KRT24: variants seen among roughly 807,000 people sequenced by gnomAD.
KRT24 encodes keratin 24.
A neutral mutation model predicts 51.7 loss-of-function variants in KRT24; 44 were observed. The ratio of observed to expected loss-of-function variants is 0.85; its 90% CI spans 0.67 to 1.09. The LOEUF (loss-of-function observed/expected upper bound fraction) is 1.09. Among genes scored for constraint, KRT24 ranks in the 50% least tolerant of loss-of-function variants. KRT24 has a pLI of 0.00. For missense variants in KRT24, 633 were observed against 647.0 expected, an observed-to-expected ratio of 0.98 and a Z score of 0.24; for synonymous variants, 241 against 249.5, an observed-to-expected ratio of 0.97 and a Z score of 0.32.
At chr17:40,701,098 A>G in intron 3 of KRT24, 42 bp downstream of exon 3, 1 of 1,596,232 alleles carries the variant, frequency 6.3e-7, no homozygotes, top group Non-Finnish European at 8.6e-7. Context: ...GGGGAGAAAT[A>G]TGTTAGCTAG....
chr17:40,699,698 A>G (rs1401746981), intron 5 of KRT24, 37 bp from the exon 6 acceptor site: 3 of 1,560,072 alleles, frequency 1.9e-6, no homozygotes, highest in Non-Finnish European at 2.6e-6. Context: ...CATGATGAAA[A>G]TAAATCATTG....
chr17:40,698,834 C>T (rs535959590), intron 6 of KRT24, among the ~76,000 whole-genome samples, 184 bp from the exon 7 acceptor site: 96 of 151,124 alleles, frequency 6.4e-4, no homozygotes, highest in African/African-American at 2.2e-3. Flanking sequence ...TCAGCCTCCC[C>T]AGTATCTGGG....
In KRT24 at chr17:40,703,548, C is replaced by T. The variant is rs749255545; in HGVS notation, c.146G>A (p.Ser49Asn). 1.7e-5 allele frequency: 28 copies of T among 1,608,392 alleles called. No individual in the cohort carries two copies. The highest frequency in any genetic ancestry group is 3.4e-5 in the Admixed American group (2 of 59,020). The change falls in exon 1 of 8, where the codon AGC becomes AAC. Residue 49 changes from serine to asparagine, a missense_variant. Physicochemically the swap from Ser to Asn is conservative, Grantham distance 46 (BLOSUM62 1). Transcript: ENST00000264651. Reference sequence around the variant, plus strand: ...GCTAGACCCCCCACTCAGGCTGCAGCTGCTGGCTCCTCCTCGGAAGCCCTG... The same window carrying T: ...GCTAGACCCCCCACTCAGGCTGCAGTTGCTGGCTCCTCCTCGGAAGCCCTG... ...SAQGFRGGAS[S>N]CSLSGGSSGA... is the part of the protein sequence containing the mutation.
rs1446544050 is a variant in KRT24, at chr17:40,699,670, A to G, written c.1144-9T>C. The stretch of plus-strand genomic sequence containing the variant: ...CCCTCCAGGGAGCTTTTCTAAGAGA[A>G]AAAGCAAATAAAAAATTCATGATGA... On this transcript the variant is annotated splice_polypyrimidine_tract_variant and intron_variant, in intron 5 of 7. Transcript: ENST00000264651. 6.3e-7 allele frequency: 1 copy of G among 1,599,054 alleles called. No individual in the cohort carries two copies. The highest frequency in any genetic ancestry group is 8.5e-7 in the Non-Finnish European group (1 of 1,171,084).
chr17:40,702,993 T>G, intron 1 of KRT24, 86 bp downstream of exon 1: 1 of 1,390,934 alleles, frequency 7.2e-7, no homozygotes, highest in Non-Finnish European at 9.6e-7. Flanking sequence ...TTTCAAATAA[T>G]TTCTTAAAAT....
At chr17:40,701,655 G>C (rs2037678852) in intron 2 of KRT24, among the ~76,000 whole-genome samples, 196 bp downstream of exon 2, 1 of 146,994 alleles carries the variant, frequency 6.8e-6, no homozygotes, top group Non-Finnish European at 1.5e-5. Context: ...CCCAGCATCA[G>C]TGGAGATTTG....
chr17:40,701,321 A>G (rs774768095), intron 2 of KRT24, 25 bp from the exon 3 acceptor site: 2 of 1,605,646 alleles, frequency 1.2e-6, no homozygotes, highest in South Asian at 2.2e-5. Flanking sequence ...AGTAAGGCAA[A>G]AAATACTGTG....
Position 40,699,385 on chromosome 17 carries a change from G to T in KRT24, c.1361+59C>A, listed in dbSNP as rs2037646503. ...AGTCTAAGCCCTGAGTCCCATTTTG[G>T]TTTTATAAAATAAATTCACTAAGGT... On this transcript the variant is annotated intron_variant, in intron 6 of 7. Coordinates refer to ENST00000264651, the MANE Select transcript of KRT24 (RefSeq NM_019016.3). The T allele has an allele frequency of 2.8e-6, 4 of 1,447,856 alleles. No individual in the cohort carries two copies. The African/African-American group carries it at 5.6e-5, about 20-fold the overall frequency. 89.7% of individuals were successfully genotyped at this position (1,447,856 alleles called of 1,614,324 possible). A position where few individuals can be genotyped will look rare whatever the true frequency, so the allele number is the denominator to read the frequency against.
chr17:40,703,184 G>A lies in KRT24; in HGVS notation c.510C>T (p.Asn170=), dbSNP rs2037703147. 1 of 1,614,076 alleles carries A rather than the reference G, an allele frequency of 6.2e-7. No individual in the cohort carries two copies. Among genetic ancestry groups the A allele is most frequent in the South Asian group, 1.1e-5 (1 of 91,074 alleles). The change falls in exon 1 of 8, where the codon AAC becomes AAT. Residue 170 remains asparagine (N), a synonymous_variant. Transcript: ENST00000264651. The part of the protein sequence containing the change: ...ALEEANTDLE[N]KIKEWYDKYG... ...ATTTGTCATACCACTCCTTGATTTT[G>A]TTCTCCAGATCAGTGTTAGCCTCCT...
rs12945365 is a variant in KRT24, at chr17:40,698,931, T to C, written c.1362-281A>G. 8.2e-3 allele frequency among the ~76,000 whole-genome samples: 1,233 copies of C among 150,778 alleles called. 15 individuals are homozygous for C. The highest frequency in any genetic ancestry group is 0.027 in the African/African-American group (1,114 of 40,958). ...TCGTTCTATCACCCAGGCTGGAGTA[T>C]AGTGGCATGATTACAGCTCACTGCA... On this transcript the variant is annotated intron_variant, in intron 6 of 7. Coordinates refer to ENST00000264651, the MANE Select transcript of KRT24 (RefSeq NM_019016.3).
intron 6 of KRT24, among the ~76,000 whole-genome samples, chr17:40,699,185 A>C (rs2037644336): frequency 6.6e-6 from 1 of 151,642 alleles, no homozygotes; most frequent in South Asian, 2.1e-4. Context: ...CCTCCAGCTA[A>C]TTTTTTAAAA....
At chr17:40,702,141 T>C (rs2037691182) in intron 1 of KRT24, among the ~76,000 whole-genome samples, 1 of 151,934 alleles carries the variant, frequency 6.6e-6, no homozygotes. Flanking sequence ...AAGCGATTCT[T>C]GAGCCTCAGC....
Position 40,701,929 on chromosome 17 carries a change from A to G in KRT24, c.620T>C (p.Ile207Thr). Residue 207 changes from isoleucine (I) to threonine (T), a missense_variant, in exon 2 of 8, where the codon ATT becomes ACT. Physicochemically the swap from Ile to Thr is moderately conservative, Grantham distance 89. Transcript: ENST00000264651. Reference sequence around the variant, plus strand: ...CCCAGCATTTTCAACAGTGGCAGCAATGATCTAAAAAAGATGTTAATAGTG... The same window carrying G: ...CCCAGCATTTTCAACAGTGGCAGCAGTGATCTAAAAAAGATGTTAATAGTG... Reference protein sequence around the residue: ...SIIEDLRNQIIAATVENAGII... With the variant: ...SIIEDLRNQITAATVENAGII... 1.3e-6 allele frequency: 2 copies of G among 1,532,798 alleles called. No homozygotes were observed. The highest frequency in any genetic ancestry group is 1.8e-6 in the Non-Finnish European group (2 of 1,127,668). 94.9% of individuals were successfully genotyped at this position (1,532,798 alleles called of 1,614,324 possible).
Position 40,698,677 on chromosome 17 carries a change from C to T in KRT24, c.1362-27G>A, listed in dbSNP as rs755771642. On this transcript the variant is annotated intron_variant, in intron 6 of 7. Coordinates refer to ENST00000264651, the MANE Select transcript of KRT24 (RefSeq NM_019016.3). ...TGGAGAAAAAAAGAATTATGTTTTC[C>T]TTTGCAGTTTGCAAAGGCAGGAGAA... The T allele has an allele frequency of 3.2e-6, 4 of 1,234,130 alleles. No individual in the cohort carries two copies. In the African/African-American group the frequency reaches 6.0e-5, roughly 18 times the overall value. 76.4% of individuals were successfully genotyped at this position (1,234,130 alleles called of 1,614,324 possible).
chr17:40,703,102 T>A lies in KRT24; in HGVS notation c.592A>T (p.Ile198Leu). The change falls in exon 1 of 8, where the codon ATA (isoleucine) becomes TTA (leucine). Residue 198 changes from isoleucine (I) to leucine (L), a missense_variant. By Grantham distance (5) the Ile-to-Leu change is conservative. Transcript: ENST00000264651. ...SGRDYSKYYS[I>L]IEDLRNQIIA... ...ACCTGGTTTCTGAGATCTTCAATTA[T>A]TGAATAGTATTTGCTATAATCTCTT... 1.9e-6 allele frequency: 3 copies of A among 1,604,542 alleles called. No individual in the cohort carries two copies. Among genetic ancestry groups the A allele is most frequent in the Non-Finnish European group, 2.5e-6 (3 of 1,176,554 alleles).
chr17:40,701,108 G>C (rs758969610), intron 3 of KRT24, 32 bp downstream of exon 3: 1 of 1,606,436 alleles, frequency 6.2e-7, no homozygotes, highest in Non-Finnish European at 8.5e-7. Context: ...ATGTTAGCTA[G>C]AGTTATTCGT....
At position 40,703,123 on chromosome 17, in the gene KRT24, C is replaced by A; in HGVS notation, c.571G>T (p.Asp191Tyr). 1 of 1,613,202 alleles carries A rather than the reference C, an allele frequency of 6.2e-7. No homozygotes were observed. Among genetic ancestry groups the A allele is most frequent in the Admixed American group, 1.7e-5 (1 of 59,886 alleles). ...PGSGDGGSGRDYSKYYSIIED... is the reference protein window; with the variant it reads ...PGSGDGGSGRYYSKYYSIIED... The stretch of plus-strand genomic sequence containing the variant: ...ATTATTGAATAGTATTTGCTATAAT[C>A]TCTTCCCGATCCACCGTCTCCAGAC... Residue 191 changes from aspartate (D) to tyrosine (Y), a missense_variant, in exon 1 of 8, where the codon GAT becomes TAT. Asp to Tyr is a radical substitution (Grantham distance 160, BLOSUM62 -3). Coordinates refer to ENST00000264651, the MANE Select transcript of KRT24 (RefSeq NM_019016.3).
intron 6 of KRT24, 26 bp from the exon 7 acceptor site, chr17:40,698,676 C>T (rs1380090992): frequency 3.2e-6 from 4 of 1,237,940 alleles, no homozygotes; most frequent in South Asian, 2.5e-5. Context: ...ATTATGTTTT[C>T]CTTTGCAGTT....
intron 6 of KRT24, 93 bp from the exon 7 acceptor site, chr17:40,698,743 G>A: frequency 1.4e-6 from 1 of 719,256 alleles, no homozygotes; most frequent in African/African-American, 1.8e-5. Flanking sequence ...AGTTTTGGAT[G>A]TGTTTATGTG....
Sources: allele counts gnomAD v4.1 joint callset (sites outside exome capture counted in the v4.1 genomes callset), GRCh38; gene constraint gnomAD v4.1.1; transcripts MANE v1.5; gene names NCBI Gene and HGNC (gene_info 2026-07-23, HGNC 2026-07-21).